Variants in KLHL5 observed in about 807,000 individuals in gnomAD.
KLHL5 encodes kelch-like protein 5.
Under a neutral mutation model 77.7 loss-of-function variants are expected in KLHL5, and 48 were observed. The observed-to-expected ratio is 0.62, with a 90% confidence interval of 0.49 to 0.79. The LOEUF (loss-of-function observed/expected upper bound fraction) is 0.79, where lower values mean the gene tolerates loss of function less well. Among genes scored for constraint, KLHL5 ranks in the 30% least tolerant of loss-of-function variants. The pLI, the probability that KLHL5 is intolerant of heterozygous loss-of-function variation, is 0.00. For synonymous variants in KLHL5, 260 were observed against 297.0 expected, an observed-to-expected ratio of 0.88 and a Z score of 1.28; for missense variants, 723 against 859.7, an observed-to-expected ratio of 0.84 and a Z score of 1.99.
rs1409880888 is a variant in KLHL5 at position 39,123,709 on chromosome 4, T to C, written c.*2643T>C. Reference sequence around the variant, plus strand: ...GCAAACTAGGAAGAAAAGGGAACTTTCTTAACCTGATAAAGACATCCATAA... The same window carrying C: ...GCAAACTAGGAAGAAAAGGGAACTTCCTTAACCTGATAAAGACATCCATAA... On this transcript the variant is annotated 3_prime_UTR_variant, in exon 11 of 11. Transcript: ENST00000504108. Among the ~76,000 whole-genome samples, 1 of 152,152 alleles carries C rather than the reference T, an allele frequency of 6.6e-6. No individual in the cohort carries two copies. The highest frequency in any genetic ancestry group is 2.4e-5 in the African/African-American group (1 of 41,436).
chr4:39,054,524 C>T (rs1382302504), intron 1 of KLHL5, among the ~76,000 whole-genome samples: 1 of 152,142 alleles, frequency 6.6e-6, no homozygotes, highest in Non-Finnish European at 1.5e-5. Flanking sequence ...TGCTATAAAT[C>T]CTGACCGTTA....
chr4:39,081,335 A>G lies in KLHL5; in HGVS notation c.703+96A>G. Reference sequence around the variant, plus strand: ...TTTTAGAAAGCATGCCATAGCTAACAGTTAGTTCTGCTATTGTCATTACTA... The same window carrying G: ...TTTTAGAAAGCATGCCATAGCTAACGGTTAGTTCTGCTATTGTCATTACTA... On this transcript the variant is annotated intron_variant, in intron 3 of 10. Transcript: ENST00000504108. The surrounding 1 kb of genome is among the most constrained non-coding windows in gnomAD (Gnocchi z 4.3). 1 of 1,050,726 alleles carries G rather than the reference A, an allele frequency of 9.5e-7. No individual in the cohort carries two copies. The highest frequency in any genetic ancestry group is 1.3e-6 in the Non-Finnish European group (1 of 741,082). 65.1% of individuals were successfully genotyped at this position (1,050,726 alleles called of 1,614,324 possible).
chr4:39,103,858 C>T (rs1295612722), intron 7 of KLHL5, among the ~76,000 whole-genome samples: 1 of 149,108 alleles, frequency 6.7e-6, no homozygotes, highest in Non-Finnish European at 1.5e-5. Context: ...GTGGCTTGGC[C>T]TATAGTCCCA....
Position 39,086,741 on chromosome 4 carries a change from A to G in KLHL5, c.1113+14A>G. ...CTTGCACCACAGGTAATTAATAGGC[A>G]CTTGTTTATAGGAATTTTTCTTTGC... On this transcript the variant is annotated intron_variant, in intron 5 of 10. Transcript: ENST00000504108. 1.3e-6 allele frequency: 2 copies of G among 1,580,766 alleles called. No homozygotes were observed. The highest frequency in any genetic ancestry group is 1.1e-5 in the South Asian group (1 of 90,306).
chr4:39,133,782 TCTG>T, the KLHL5 span: 29 of 152,128 alleles, frequency 1.9e-4, no homozygotes, highest in Admixed American at 1.0e-3. Flanking sequence ...GTCAACTCTG[TCTG>T]CTATTTGTTT....
At chr4:39,045,049 G>A (rs1316322742) in exon 1 of KLHL5, 5 of 992,778 alleles carry the variant, frequency 5.0e-6, no homozygotes, top group Non-Finnish European at 2.4e-6. Flanking sequence ...CTCCCGCCTG[G>A]CCGCCCCGGC....
At chr4:39,080,105 G>A (rs975611980) in intron 2 of KLHL5, among the ~76,000 whole-genome samples, 1 of 152,170 alleles carries the variant, frequency 6.6e-6, no homozygotes, top group Non-Finnish European at 1.5e-5. Context: ...TGGAATTAGA[G>A]AGGGAGCCAA....
intron 10 of KLHL5, among the ~76,000 whole-genome samples, chr4:39,117,100 G>T (rs191202306): frequency 5.3e-4 from 80 of 152,240 alleles, no homozygotes; most frequent in Middle Eastern, 3.4e-3. Flanking sequence ...CTCTCAAAGT[G>T]CTGGGATTAC....
chr4:39,134,690 G>C, the KLHL5 span, among the ~76,000 whole-genome samples: 12 of 152,350 alleles, frequency 7.9e-5, no homozygotes, highest in African/African-American at 2.9e-4. Context: ...CACACACAGA[G>C]AGGTTTCATA....
At chr4:39,091,847 T>TG (rs1720599539) in intron 5 of KLHL5, among the ~76,000 whole-genome samples, 2 of 140,256 alleles carry the variant, frequency 1.4e-5, no homozygotes, top group Non-Finnish European at 3.1e-5. Flanking sequence ...GACTAGTTTT[T>TG]TTTTTTTTTT....
intron 10 of KLHL5, among the ~76,000 whole-genome samples, chr4:39,120,475 T>C (rs1273397299): frequency 6.6e-6 from 1 of 152,142 alleles, no homozygotes; most frequent in Non-Finnish European, 1.5e-5. Flanking sequence ...TGCTAAAAAG[T>C]AGTAGAATGG....
chr4:39,045,392 G>T (rs1192423306), intron 1 of KLHL5, among the ~76,000 whole-genome samples: 1 of 151,868 alleles, frequency 6.6e-6, no homozygotes, highest in African/African-American at 2.4e-5. Flanking sequence ...TTGTGGACGC[G>T]GTGCTGGTGG....
At chr4:39,101,951 T>C (rs12643441) in intron 6 of KLHL5, among the ~76,000 whole-genome samples, 102,177 of 145,628 alleles carry the variant, frequency 0.7, 36,016 homozygotes, top group East Asian at 0.83. Context: ...TACACACATA[T>C]ATATACACAC....
chr4:39,121,156 T>C lies in KLHL5; in HGVS notation c.*90T>C, dbSNP rs1273726725. 14 of 1,025,198 alleles carry C rather than the reference T, an allele frequency of 1.4e-5. No individual in the cohort carries two copies. The highest frequency in any genetic ancestry group is 2.1e-5 in the Non-Finnish European group (14 of 661,042). The allele number at this position is 1,025,198 out of a possible 1,614,324, so 63.5% of individuals were successfully genotyped here. A position where few individuals can be genotyped will look rare whatever the true frequency, so the allele number is the denominator to read the frequency against. Reference sequence around the variant, plus strand: ...TCAATGGATACATTTTTAGTAAATGTGCATTGTCACAATCCTGGGCACAAA... The same window carrying C: ...TCAATGGATACATTTTTAGTAAATGCGCATTGTCACAATCCTGGGCACAAA... On this transcript the variant is annotated 3_prime_UTR_variant, in exon 11 of 11. Coordinates refer to ENST00000504108, the MANE Select transcript of KLHL5 (RefSeq NM_015990.5).
chr4:39,049,387 T>G (rs1716453846), intron 1 of KLHL5, among the ~76,000 whole-genome samples: 1 of 152,188 alleles, frequency 6.6e-6, no homozygotes, highest in South Asian at 2.1e-4. Context: ...AAACATTTGT[T>G]GAATGTGTAT....
At chr4:39,071,223 A>G (rs919434600) in intron 1 of KLHL5, among the ~76,000 whole-genome samples, 1 of 152,166 alleles carries the variant, frequency 6.6e-6, no homozygotes, top group Non-Finnish European at 1.5e-5. Flanking sequence ...ATATTTGTAG[A>G]AGATGACAAA....
chr4:39,090,884 C>G (rs1355495392), intron 5 of KLHL5, among the ~76,000 whole-genome samples: 2 of 152,096 alleles, frequency 1.3e-5, no homozygotes, highest in African/African-American at 4.8e-5. Flanking sequence ...CTCACTGCAG[C>G]CTCAACCTCC....
Position 39,062,482 on chromosome 4 carries a change from T to G in KLHL5, c.-171T>G, listed in dbSNP as rs1450511049. Reference sequence around the variant, plus strand: ...TTATCCTTTGTTCTTTAAAATCTGATATATTGGCATAAAAGTAATTGTAGA... The same window carrying G: ...TTATCCTTTGTTCTTTAAAATCTGAGATATTGGCATAAAAGTAATTGTAGA... On this transcript the variant is annotated 5_prime_UTR_variant, in exon 1 of 11. Coordinates refer to ENST00000504108, the MANE Select transcript of KLHL5 (RefSeq NM_015990.5). 1.3e-6 allele frequency: 2 copies of G among 1,581,880 alleles called. No individual in the cohort carries two copies. The highest frequency in any genetic ancestry group is 1.7e-6 in the Non-Finnish European group (2 of 1,163,962).
chr4:39,071,659 G>T (rs980058719), intron 1 of KLHL5, among the ~76,000 whole-genome samples: 1 of 152,152 alleles, frequency 6.6e-6, no homozygotes, highest in Admixed American at 6.5e-5. Flanking sequence ...CATTTCCCCA[G>T]TTTCTAACTG....
Sources: gnomAD v4.1 joint callset for allele counts (sites outside exome capture counted in the v4.1 genomes callset) on GRCh38, gnomAD v4.1.1 for gene constraint, Gnocchi (gnomAD v3.1) non-coding constraint, MANE v1.5 for transcripts, NCBI Gene and HGNC (gene_info 2026-07-23, HGNC 2026-07-21) for gene names.